The following STXBP5 variants were observed in gnomAD, a reference collection of about 807,000 sequenced individuals.
STXBP5 encodes syntaxin binding protein 5.
Under a neutral mutation model 152.4 loss-of-function variants are expected in STXBP5, and 50 were observed. That is an observed-to-expected ratio of 0.33 (90% CI 0.26 to 0.42). The LOEUF (loss-of-function observed/expected upper bound fraction) is 0.42, where lower values mean the gene tolerates loss of function less well. Among genes scored for constraint, STXBP5 ranks in the 10% least tolerant of loss-of-function variants. The pLI is 1.00. For missense variants in STXBP5, 1,167 were observed against 1,388.6 expected (o/e 0.84, Z 2.54); for synonymous variants, 492 against 494.7 (o/e 0.99, Z 0.07).
intron 22 of STXBP5, among the ~76,000 whole-genome samples, chr6:147,358,753 G>A (rs964596749): frequency 6.7e-6 from 1 of 149,704 alleles, no homozygotes; most frequent in African/African-American, 2.5e-5. Flanking sequence ...AAATCATAAG[G>A]AAGAGAAAAC....
intron 2 of STXBP5, among the ~76,000 whole-genome samples, chr6:147,225,425 C>G (rs998591457): frequency 6.6e-6 from 1 of 152,116 alleles, no homozygotes; most frequent in Non-Finnish European, 1.5e-5. Context: ...CTCTAGTCTT[C>G]CATTCCTAGG....
At chr6:147,310,529 G>GTGAT (rs5880703) in intron 10 of STXBP5, among the ~76,000 whole-genome samples, 46,045 of 150,026 alleles carry the variant, frequency 0.31, 7,525 homozygotes, top group East Asian at 0.61. Flanking sequence ...AGGAGAGAAA[G>GTGAT]TGATTGATTG....
chr6:147,292,937 C>T (rs1781350620), intron 9 of STXBP5: 2 of 152,124 alleles, frequency 1.3e-5, no homozygotes, highest in African/African-American at 4.8e-5. Context: ...TTTGTAAATA[C>T]AGTCATCCAC....
intron 8 of STXBP5, among the ~76,000 whole-genome samples, chr6:147,283,253 A>G (rs543802062): frequency 2.6e-5 from 4 of 152,360 alleles, no homozygotes; most frequent in Admixed American, 2.0e-4. Flanking sequence ...ATAAAATTCA[A>G]ATTCACCTAA....
intron 26 of STXBP5, among the ~76,000 whole-genome samples, chr6:147,380,276 A>G (rs1195185407): frequency 2.9e-4 from 44 of 151,888 alleles, no homozygotes; most frequent in Admixed American, 2.8e-3. Flanking sequence ...CTACAAAGCT[A>G]TAGTCATCAA....
At chr6:147,324,015 A>ATGG (rs1384994442) in intron 16 of STXBP5, among the ~76,000 whole-genome samples, 1 of 152,048 alleles carries the variant, frequency 6.6e-6, no homozygotes, top group Non-Finnish European at 1.5e-5. Context: ...ATCCTTGAAC[A>ATGG]TGGGTTTTCT....
At chr6:147,381,379 A>G (rs1786076713) in intron 26 of STXBP5, among the ~76,000 whole-genome samples, 1 of 152,180 alleles carries the variant, frequency 6.6e-6, no homozygotes, top group African/African-American at 2.4e-5. Context: ...AAGATTCACA[A>G]TAACAAATGT....
intron 16 of STXBP5, among the ~76,000 whole-genome samples, chr6:147,319,644 C>T (rs1782813665): frequency 6.6e-6 from 1 of 151,874 alleles, no homozygotes; most frequent in Admixed American, 6.6e-5. Context: ...TTGGAAGTAG[C>T]GTTTGGTGTC....
intron 19 of STXBP5, among the ~76,000 whole-genome samples, chr6:147,336,260 CTA>C (rs1366721274): frequency 2.0e-5 from 3 of 152,174 alleles, no homozygotes; most frequent in African/African-American, 4.8e-5. Flanking sequence ...TTCTGGAAAA[CTA>C]TTTTAATATA....
At chr6:147,207,705 C>T (rs1022014479) in intron 2 of STXBP5, among the ~76,000 whole-genome samples, 8 of 152,058 alleles carry the variant, frequency 5.3e-5, no homozygotes, top group Non-Finnish European at 7.4e-5. Context: ...AATTTCATAA[C>T]TGGACTAGAA....
chr6:147,243,113 G>A (rs1307621652), intron 4 of STXBP5, among the ~76,000 whole-genome samples: 1 of 152,122 alleles, frequency 6.6e-6, no homozygotes, highest in African/African-American at 2.4e-5. Context: ...ACCTGGGAGT[G>A]CTATTGCTGG....
Position 147,359,160 on chromosome 6 carries a change from C to G in STXBP5, c.2382C>G (p.Ile794Met), listed in dbSNP as rs755286576. Residue 794 changes from isoleucine to methionine, a missense_variant, in exon 23 of 28, where the codon ATC (isoleucine) becomes ATG (methionine). Transcript: ENST00000321680. ...TTGACAAAGAATCCCGAGAAGCGAT[C>G]TCCGCTCTTCATTTCTGTGAAACGT... ...TSIDKESREA[I>M]SALHFCETFT... is the part of the protein sequence containing the mutation. 3.1e-6 allele frequency: 5 copies of G among 1,614,078 alleles called. No homozygotes were observed. Among genetic ancestry groups the G allele is most frequent in the South Asian group, 1.1e-5 (1 of 91,082 alleles).
At chr6:147,329,202 T>TA (rs1237611088) in intron 18 of STXBP5, among the ~76,000 whole-genome samples, 1 of 149,582 alleles carries the variant, frequency 6.7e-6, no homozygotes, top group Non-Finnish European at 1.5e-5. Flanking sequence ...CATCTAATTT[T>TA]AAAAATATTT....
At chr6:147,320,450 C>T (rs1283485269) in intron 16 of STXBP5, among the ~76,000 whole-genome samples, 2 of 152,050 alleles carry the variant, frequency 1.3e-5, no homozygotes, top group Non-Finnish European at 2.9e-5. Context: ...GGGACTCTAC[C>T]ATTCCTGGGA....
Position 147,353,392 on chromosome 6 carries a change from C to A in STXBP5, c.2305+19C>A. ...GATTTAGGTAAGTAAAATAAATATT[C>A]AAAATAATTTAACTCCCTATAATGG... On this transcript the variant is annotated intron_variant, in intron 22 of 27. Coordinates refer to ENST00000321680, the MANE Select transcript of STXBP5 (RefSeq NM_001127715.4). 3 of 1,518,096 alleles carry A rather than the reference C, an allele frequency of 2.0e-6. No individual in the cohort carries two copies. Among genetic ancestry groups the A allele is most frequent in the South Asian group, 1.3e-5 (1 of 79,082 alleles). 94.0% of individuals were successfully genotyped at this position (1,518,096 alleles called of 1,614,324 possible). A position where few individuals can be genotyped will look rare whatever the true frequency, so the allele number is the denominator to read the frequency against.
intron 23 of STXBP5, among the ~76,000 whole-genome samples, 161 bp from the exon 24 acceptor site, chr6:147,363,174 A>G (rs528932348): frequency 6.6e-6 from 1 of 152,326 alleles, no homozygotes; most frequent in Admixed American, 6.5e-5. Context: ...CCAGACTCAT[A>G]AATACCACGC....
At chr6:147,278,897 A>C in intron 8 of STXBP5, among the ~76,000 whole-genome samples, 1 of 152,122 alleles carries the variant, frequency 6.6e-6, no homozygotes. Context: ...AGAGAAGCTC[A>C]CCTGAGCCTT....
intron 16 of STXBP5, among the ~76,000 whole-genome samples, chr6:147,317,726 C>G (rs886813207): frequency 1.3e-5 from 2 of 152,152 alleles, no homozygotes; most frequent in African/African-American, 2.4e-5. Flanking sequence ...AGAATATACA[C>G]ACTTATAACT....
In STXBP5 at chr6:147,385,109, T is replaced by C; in HGVS notation, c.*354T>C. On this transcript the variant is annotated 3_prime_UTR_variant, in exon 28 of 28. Coordinates refer to ENST00000321680, the MANE Select transcript of STXBP5 (RefSeq NM_001127715.4). ...ATATGCCAAAAGGGTTTGTGCCGTT[T>C]TATCTGCCATCAGTGTTTGACCTGT... is the stretch of plus-strand genomic sequence containing the variant. 4.2e-6 allele frequency: 1 copy of C among 238,778 alleles called. No individual in the cohort carries two copies. The highest frequency in any genetic ancestry group is 8.0e-6 in the Non-Finnish European group (1 of 124,548). 14.8% of individuals were successfully genotyped at this position (238,778 alleles called of 1,614,324 possible). A position where few individuals can be genotyped will look rare whatever the true frequency, so the allele number is the denominator to read the frequency against.
Sources: allele counts gnomAD v4.1 joint callset (sites outside exome capture counted in the v4.1 genomes callset), GRCh38; gene constraint gnomAD v4.1.1; transcripts MANE v1.5; gene names NCBI Gene and HGNC (gene_info 2026-07-23, HGNC 2026-07-21).